Variants in RGS3 observed in about 807,000 individuals in gnomAD.
The protein encoded by RGS3 is regulator of G-protein signalling 3.
In RGS3, 80 loss-of-function variants were observed where a neutral mutation model predicts 132.6. The ratio of observed to expected loss-of-function variants is 0.60; its 90% CI spans 0.50 to 0.73. The LOEUF (loss-of-function observed/expected upper bound fraction) is 0.73. Ranked by LOEUF, RGS3 falls within the 30% of genes least tolerant of loss-of-function variation. RGS3 has a pLI of 0.00. For synonymous variants in RGS3, 598 were observed against 620.6 expected (o/e 0.96, Z 0.54); for missense variants, 1,382 against 1,530.8 (o/e 0.90, Z 1.62).
At chr9:113,583,930 C>T (rs1486450014) in exon 20 of RGS3, 1 of 1,614,096 alleles carries the variant, frequency 6.2e-7, no homozygotes, top group Admixed American at 1.7e-5. Flanking sequence ...CGGGGACCTA[C>T]TAGCAGCTAC....
intron 1 of RGS3, among the ~76,000 whole-genome samples, chr9:113,445,583 A>G (rs192306857): frequency 9.4e-4 from 143 of 152,324 alleles, no homozygotes; most frequent in Admixed American, 3.5e-3. Flanking sequence ...CAATGAAAGC[A>G]TCTTCAGATA....
chr9:113,517,607 A>C lies in RGS3; in HGVS notation c.1741A>C (p.Arg581=), dbSNP rs756704705. The C allele has an allele frequency of 5.0e-6, 8 of 1,613,176 alleles. No individual in the cohort carries two copies. In the East Asian group the frequency reaches 1.8e-4, roughly 36 times the overall value. The stretch of plus-strand genomic sequence containing the variant: ...AGAGGAGCTGCTGCTGTATGAAGGG[A>C]GGAACAAGGCTGCCGAGGTAAGACT... The change falls in exon 16 of 25, where the codon AGG becomes CGG. Residue 581 remains arginine, a synonymous_variant. Transcript: ENST00000350696.
rs753024125 is a variant in RGS3 at position 113,479,552 on chromosome 9, CT to C, written c.466+14del. 2 of 1,613,910 alleles carry C rather than the reference CT, an allele frequency of 1.2e-6. No individual in the cohort carries two copies. The highest frequency in any genetic ancestry group is 2.2e-5 in the South Asian group (2 of 91,068). On this transcript the variant is annotated intron_variant, in intron 4 of 24. Transcript: ENST00000350696. ...TTCTGCTGCTTCACAGTGAGTACGG[CT>C]TTGTGCAGGCTCACCAAGGAAGGGG... is the stretch of plus-strand genomic sequence containing the variant.
At chr9:113,569,943 C>A (rs189826439) in intron 19 of RGS3, among the ~76,000 whole-genome samples, 1 of 152,292 alleles carries the variant, frequency 6.6e-6, no homozygotes, top group East Asian at 1.9e-4. Context: ...TCTATCCACC[C>A]CTCAGAGGTG....
At chr9:113,480,522 T>TG (rs1365710421) in intron 4 of RGS3, among the ~76,000 whole-genome samples, 1 of 150,820 alleles carries the variant, frequency 6.6e-6, no homozygotes. Context: ...ATTAGCTCTG[T>TG]GCTAGGGGCT....
chr9:113,497,874 A>G (rs192285440), intron 9 of RGS3, 151 bp from the exon 8 acceptor site: 7 of 706,722 alleles, frequency 9.9e-6, no homozygotes, highest in Middle Eastern at 3.7e-4. Flanking sequence ...CCCTGTCTGG[A>G]TTGAGCCTCA....
At chr9:113,450,155 G>A (rs997480704) in intron 1 of RGS3, among the ~76,000 whole-genome samples, 5 of 151,318 alleles carry the variant, frequency 3.3e-5, no homozygotes, top group African/African-American at 9.7e-5. Context: ...CTGCAACCTC[G>A]CCTCCCGGGT....
intron 3 of RGS3, among the ~76,000 whole-genome samples, chr9:113,467,821 C>T (rs997834709): frequency 6.6e-6 from 1 of 152,068 alleles, no homozygotes; most frequent in East Asian, 1.9e-4. Flanking sequence ...CTTAAGCGAT[C>T]CTCCCACTTC....
chr9:113,596,704 C>G, intron 24 of RGS3, 64 bp from the exon 23 acceptor site: 1 of 1,443,430 alleles, frequency 6.9e-7, no homozygotes. Flanking sequence ...CCCTTCCAGG[C>G]ACATGGGCCC....
At chr9:113,479,524 G>A (rs763284548) in exon 4 of RGS3, 41 of 1,614,064 alleles carry the variant, frequency 2.5e-5, no homozygotes, top group South Asian at 1.3e-4. Context: ...GCCCAGGACC[G>A]GGTTCTGCTG....
At chr9:113,512,231 T>C (rs936070263) in intron 14 of RGS3, among the ~76,000 whole-genome samples, 2 of 152,166 alleles carry the variant, frequency 1.3e-5, no homozygotes, top group Non-Finnish European at 2.9e-5. Flanking sequence ...AGTGATGATC[T>C]TGAGACTGAG....
intron 11 of RGS3, among the ~76,000 whole-genome samples, 169 bp downstream of exon 9, chr9:113,505,692 T>G (rs1179423050): frequency 1.3e-5 from 2 of 152,226 alleles, no homozygotes; most frequent in Non-Finnish European, 2.9e-5. Flanking sequence ...CTGCCATTTA[T>G]GAAAATATGC....
intron 3 of RGS3, among the ~76,000 whole-genome samples, chr9:113,472,278 G>A (rs536035772): frequency 6.6e-6 from 1 of 152,102 alleles, no homozygotes; most frequent in African/African-American, 2.4e-5. Flanking sequence ...AAATCCAAGA[G>A]GAATGAAAAC....
rs1050489397 is a variant in RGS3, at chr9:113,463,100, G to A, written c.415+899G>A. ...CCTCTTTCTCAGAGGCTGTGGGCCT[G>A]TCCTGCTGTCCGATGGCATCAGGCT... On this transcript the variant is annotated intron_variant, in intron 3 of 24. Transcript: ENST00000350696. The surrounding 1 kb of genome is among the most constrained non-coding windows in gnomAD (Gnocchi z 4.6). 6.6e-6 allele frequency among the ~76,000 whole-genome samples: 1 copy of A among 152,350 alleles called. No homozygotes were observed. Among genetic ancestry groups the A allele is most frequent in the South Asian group, 2.1e-4 (1 of 4,830 alleles).
At chr9:113,446,183 C>T (rs1829096158) in intron 1 of RGS3, among the ~76,000 whole-genome samples, 1 of 152,152 alleles carries the variant, frequency 6.6e-6, no homozygotes, top group African/African-American at 2.4e-5. Flanking sequence ...CCAGAGGAAT[C>T]TGGGAAGGAA....
chr9:113,537,385 T>C lies in RGS3; in HGVS notation c.2037+467T>C, dbSNP rs981379165. ...CATGTGGGCCAGAGCCAAGTAGAGCTGAGTGTGGACTGCTGGGGTCTGGGG... is the reference window on the plus strand; with the variant it reads ...CATGTGGGCCAGAGCCAAGTAGAGCCGAGTGTGGACTGCTGGGGTCTGGGG... On this transcript the variant is annotated intron_variant, in intron 19 of 24. Coordinates refer to ENST00000350696, the Ensembl canonical transcript of RGS3. This position sits in a 1 kb window ranked among gnomAD's most constrained non-coding sequence, Gnocchi z 4.3. Among the ~76,000 whole-genome samples, 3 of 152,120 alleles carry C rather than the reference T, an allele frequency of 2.0e-5. No homozygotes were observed. The highest frequency in any genetic ancestry group is 2.9e-5 in the Non-Finnish European group (2 of 68,012).
At chr9:113,580,229 G>A (rs1045486564) in intron 19 of RGS3, among the ~76,000 whole-genome samples, 1 of 152,218 alleles carries the variant, frequency 6.6e-6, no homozygotes, top group Non-Finnish European at 1.5e-5. Context: ...AGCACTCCAG[G>A]CTGTTCCTCC....
intron 19 of RGS3, among the ~76,000 whole-genome samples, chr9:113,545,345 G>A (rs1273495250): frequency 5.3e-5 from 8 of 152,210 alleles, no homozygotes; most frequent in African/African-American, 1.2e-4. Flanking sequence ...GGTTTTGTGC[G>A]CAGATTTTGC....
intron 7 of RGS3, among the ~76,000 whole-genome samples, chr9:113,492,989 A>T (rs530156457): frequency 1.3e-4 from 20 of 152,342 alleles, no homozygotes; most frequent in African/African-American, 4.8e-4. Flanking sequence ...GAGCTAATGC[A>T]TTGGCCTGGA....
Sources: allele counts gnomAD v4.1 joint callset (sites outside exome capture counted in the v4.1 genomes callset), GRCh38; gene constraint gnomAD v4.1.1; non-coding constraint Gnocchi (gnomAD v3.1); transcripts MANE v1.5; gene names NCBI Gene and HGNC (gene_info 2026-07-23, HGNC 2026-07-21).